The following REPS2 variants were observed in gnomAD, a reference collection of about 807,000 sequenced individuals.
REPS2 encodes the protein RALBP1 associated Eps domain containing 2, also known as ralBP1-associated Eps domain-containing protein 2.
In REPS2, 23 loss-of-function variants were observed where a neutral mutation model predicts 53.6. The ratio of observed to expected loss-of-function variants is 0.43; its 90% CI spans 0.31 to 0.61. The LOEUF (loss-of-function observed/expected upper bound fraction) is 0.61, where lower values mean the gene tolerates loss of function less well. Among genes scored for constraint, REPS2 ranks in the 20% least tolerant of loss-of-function variants. REPS2 has a pLI of 0.11. For synonymous variants in REPS2, 238 were observed against 218.6 expected, an observed-to-expected ratio of 1.09 and a Z score of -0.78; for missense variants, 446 against 534.9, an observed-to-expected ratio of 0.83 and a Z score of 1.64.
chrX:17,134,408 C>A (rs763091348), intron 15 of REPS2, among the ~76,000 whole-genome samples: 2 of 111,609 alleles, frequency 1.8e-5, no homozygotes, highest in East Asian at 5.7e-4. Context: ...TCCTCACCCT[C>A]TTCTTGTCCT....
At chrX:17,134,552 A>G (rs1261059094) in intron 15 of REPS2, among the ~76,000 whole-genome samples, 4 of 111,965 alleles carry the variant, frequency 3.6e-5, no homozygotes, top group Non-Finnish European at 7.5e-5. Flanking sequence ...TTTATGTAGG[A>G]ATTGGGGATA....
intron 1 of REPS2, among the ~76,000 whole-genome samples, chrX:16,990,466 T>C (rs185686233): frequency 9.1e-6 from 1 of 110,161 alleles, no homozygotes; most frequent in East Asian, 2.9e-4. Flanking sequence ...AAAAAGTAGC[T>C]GGGTGTAGTG....
At chrX:17,160,021 C>A in the REPS2 span, among the ~76,000 whole-genome samples, 1 of 112,369 alleles carries the variant, frequency 8.9e-6, no homozygotes, top group Non-Finnish European at 1.9e-5. Context: ...GATGAGGAAA[C>A]CTTTAACCTT....
chrX:17,114,167 C>T (rs911983755), intron 14 of REPS2, among the ~76,000 whole-genome samples: 1 of 111,629 alleles, frequency 9.0e-6, no homozygotes, highest in African/African-American at 3.3e-5. Flanking sequence ...TAATTGGCCC[C>T]TTTCCAGTGG....
chrX:17,047,377 A>T lies in REPS2; in HGVS notation c.802A>T (p.Asn268Tyr). ...TTCAGTGGAGAGGGAACTACAGGAT[A>T]ACAGCAGTTACCCCGACGAACCCTG... Reference protein sequence around the residue: ...SFSVERELQDNSSYPDEPWRI... With the variant: ...SFSVERELQDYSSYPDEPWRI... The change falls in exon 6 of 18, where the codon AAC becomes TAC. Residue 268 changes from asparagine (N) to tyrosine (Y), a missense_variant. Coordinates refer to ENST00000357277, the MANE Select transcript of REPS2 (RefSeq NM_004726.3). 8.3e-7 allele frequency: 1 copy of T among 1,210,642 alleles called. No individual in the cohort carries two copies. Among genetic ancestry groups the T allele is most frequent in the Non-Finnish European group, 1.1e-6 (1 of 894,451 alleles).
At chrX:17,077,534 C>G (rs1245258521) in intron 13 of REPS2, 127 bp downstream of exon 13, 2 of 626,063 alleles carry the variant, frequency 3.2e-6, no homozygotes, top group South Asian at 4.0e-5. Flanking sequence ...CCGTGAAGGT[C>G]TTCACGTGGC....
rs1468609536 is a variant in REPS2, at chrX:16,976,688, G to C, written c.274-29533G>C. On this transcript the variant is annotated intron_variant, in intron 1 of 17. Transcript: ENST00000357277. ...AGTAACATTCCTCAGTGTTCTTCAAGAACTCACCTACTGCCAATCATTCCT... is the reference window on the plus strand; with the variant it reads ...AGTAACATTCCTCAGTGTTCTTCAACAACTCACCTACTGCCAATCATTCCT... Among the ~76,000 whole-genome samples the C allele has an allele frequency of 3.6e-5, 4 of 111,501 alleles. No individual in the cohort carries two copies. In the Admixed American group the frequency reaches 3.8e-4, roughly 11 times the overall value.
the REPS2 span, among the ~76,000 whole-genome samples, chrX:17,183,411 A>T: frequency 8.9e-6 from 1 of 112,171 alleles, no homozygotes; most frequent in Non-Finnish European, 1.9e-5. Context: ...AACCAAAAAA[A>T]CTCCTCAATA....
At chrX:17,180,219 C>T in the REPS2 span, among the ~76,000 whole-genome samples, 5 of 111,134 alleles carry the variant, frequency 4.5e-5, no homozygotes, top group African/African-American at 1.6e-4. Flanking sequence ...GATTGTTTCA[C>T]TTGGTACAAT....
At chrX:17,007,356 C>T in intron 2 of REPS2, among the ~76,000 whole-genome samples, 1 of 112,314 alleles carries the variant, frequency 8.9e-6, no homozygotes, top group East Asian at 2.8e-4. Context: ...TTCATTTAAT[C>T]CTCATGACAC....
chrX:17,041,527 T>A (rs1160156519), intron 5 of REPS2, among the ~76,000 whole-genome samples: 1 of 112,398 alleles, frequency 8.9e-6, no homozygotes, highest in East Asian at 2.8e-4. Context: ...AGTCAAGTCT[T>A]CTCACATCTT....
chrX:17,106,506 C>T (rs528604365), intron 14 of REPS2, among the ~76,000 whole-genome samples: 6 of 108,481 alleles, frequency 5.5e-5, no homozygotes, highest in African/African-American at 1.7e-4. Context: ...CTCTGCCTCC[C>T]GGGTGCACGC....
chrX:17,012,449 C>T (rs771481506), intron 2 of REPS2, among the ~76,000 whole-genome samples: 5 of 111,823 alleles, frequency 4.5e-5, no homozygotes, highest in Non-Finnish European at 7.5e-5. Flanking sequence ...ACAAAGTTAC[C>T]GGTATTGCTA....
rs901166871 is a variant in REPS2, at chrX:17,003,297, A to T, written c.274-2924A>T. On this transcript the variant is annotated intron_variant, in intron 1 of 17. Transcript: ENST00000357277. Reference sequence around the variant, plus strand: ...AGTTTCAAAGATAAGGTTGGTCTTGAGGTGACTTGAAGAATGAGCCTGGCA... The same window carrying T: ...AGTTTCAAAGATAAGGTTGGTCTTGTGGTGACTTGAAGAATGAGCCTGGCA... Among the ~76,000 whole-genome samples the T allele has an allele frequency of 2.7e-5, 3 of 111,903 alleles. No individual in the cohort carries two copies. The East Asian group carries it at 8.4e-4, about 31-fold the overall frequency.
the REPS2 span, among the ~76,000 whole-genome samples, chrX:17,159,200 T>A: frequency 8.9e-6 from 1 of 111,965 alleles, no homozygotes; most frequent in Non-Finnish European, 1.9e-5. Flanking sequence ...CCTCCCCAGA[T>A]GATACTTTAG....
At chrX:17,169,928 C>T in the REPS2 span, among the ~76,000 whole-genome samples, 1 of 112,014 alleles carries the variant, frequency 8.9e-6, no homozygotes, top group Non-Finnish European at 1.9e-5. Context: ...CTCCCTCTGT[C>T]CCATCTGGCA....
chrX:17,110,523 C>CAA (rs773032143), intron 14 of REPS2, among the ~76,000 whole-genome samples: 21 of 68,983 alleles, frequency 3.0e-4, no homozygotes, highest in African/African-American at 1.1e-3. Flanking sequence ...CATCTCTACT[C>CAA]AAAAAAAAAA....
chrX:17,053,539 G>C lies in REPS2; in HGVS notation c.971+1094G>C, dbSNP rs771355472. Among the ~76,000 whole-genome samples the C allele has an allele frequency of 2.7e-5, 3 of 111,025 alleles. No individual in the cohort carries two copies. The South Asian group carries it at 1.1e-3, about 43-fold the overall frequency. On this transcript the variant is annotated intron_variant, in intron 7 of 17. Coordinates refer to ENST00000357277, the MANE Select transcript of REPS2 (RefSeq NM_004726.3). ...CATTTTTTTCTAGAGACAGGGTCTT[G>C]CTATGTTGACCAGTCTGGTCTTGAA...
chrX:17,048,566 C>A (rs2061938638), intron 6 of REPS2, among the ~76,000 whole-genome samples: 1 of 112,585 alleles, frequency 8.9e-6, no homozygotes, highest in East Asian at 2.8e-4. Flanking sequence ...GCTGATACAA[C>A]AAACCTCTGT....
Sources: gnomAD v4.1 joint callset for allele counts (sites outside exome capture counted in the v4.1 genomes callset) on GRCh38, gnomAD v4.1.1 for gene constraint, MANE v1.5 for transcripts, NCBI Gene and HGNC (gene_info 2026-07-23, HGNC 2026-07-21) for gene names.